Variants in TMEM175 observed in about 807,000 individuals in gnomAD.
The protein encoded by TMEM175 is endosomal/lysosomal proton channel TMEM175.
Under a neutral mutation model 36.5 loss-of-function variants are expected in TMEM175, and 36 were observed. The ratio of observed to expected loss-of-function variants is 0.99; its 90% CI spans 0.76 to 1.30. TMEM175 has a LOEUF of 1.30. Among genes scored for constraint, TMEM175 ranks in the 50% most tolerant of loss-of-function variants. The probability of loss-of-function intolerance (pLI) is 0.00; values close to 1 mark genes in which losing one functional copy is unlikely to be tolerated. For missense variants in TMEM175, 705 were observed against 692.8 expected (o/e 1.02, Z -0.20); for synonymous variants, 339 against 313.4 (o/e 1.08, Z -0.86).
intron 1 of TMEM175, among the ~76,000 whole-genome samples, chr4:946,932 G>A (rs1228754385): frequency 7.0e-6 from 1 of 143,158 alleles, no homozygotes; most frequent in Non-Finnish European, 1.5e-5. Flanking sequence ...CACAGGCGCC[G>A]AGACCGAGGG....
chr4:952,560 GCA>G, intron 7 of TMEM175, 110 bp downstream of exon 7: 4 of 992,390 alleles, frequency 4.0e-6, no homozygotes, highest in African/African-American at 2.9e-5. Flanking sequence ...CAGGGGGCCT[GCA>G]CTGTGTGTGT....
intron 8 of TMEM175, among the ~76,000 whole-genome samples, chr4:953,648 A>G (rs544595127): frequency 1.3e-5 from 2 of 152,362 alleles, no homozygotes; most frequent in East Asian, 3.9e-4. Flanking sequence ...GACCAGAAAC[A>G]GCGACACCCG....
chr4:950,328 C>T (rs1304304675), intron 3 of TMEM175, 93 bp from the exon 4 acceptor site: 1 of 1,075,386 alleles, frequency 9.3e-7, no homozygotes, highest in Non-Finnish European at 1.4e-6. Flanking sequence ...CTGCCCTGGG[C>T]CGAGGCCAGC....
At position 958,193 on chromosome 4, in the gene TMEM175, G is replaced by A. The variant is rs375652285; in HGVS notation, c.1212G>A (p.Thr404=). ...CGGCGCTGCTGCACCAGGCGGAGACGCTGCAGCCCTCGGTGTGGTTTGGCG... is the reference window on the plus strand; with the variant it reads ...CGGCGCTGCTGCACCAGGCGGAGACACTGCAGCCCTCGGTGTGGTTTGGCG... ...WTTALLHQAE[T]LQPSVWFGGR... is the part of the protein sequence containing the mutation. Residue 404 remains threonine (T), a synonymous_variant, in exon 11 of 11, where the codon ACG becomes ACA. Transcript: ENST00000264771. 9.4e-6 allele frequency: 15 copies of A among 1,602,382 alleles called. No homozygotes were observed. The highest frequency in any genetic ancestry group is 1.7e-4 in the Middle Eastern group (1 of 6,058).
At chr4:956,066 C>A (rs144527015) in intron 10 of TMEM175, 176 bp downstream of exon 10, 24 of 863,324 alleles carry the variant, frequency 2.8e-5, no homozygotes, top group Non-Finnish European at 2.9e-5. Context: ...ACAACCTTCC[C>A]GGCGGCCCCT....
chr4:948,965 G>A (rs530174122), intron 3 of TMEM175, among the ~76,000 whole-genome samples: 52 of 152,278 alleles, frequency 3.4e-4, no homozygotes, highest in African/African-American at 1.2e-3. Flanking sequence ...GTAGAAATGC[G>A]GGTGGAGCCT....
In TMEM175 at chr4:957,807, C is replaced by A. The variant is rs1043362326; in HGVS notation, c.843-17C>A. 1 of 1,585,658 alleles carries A rather than the reference C, an allele frequency of 6.3e-7. No individual in the cohort carries two copies. The highest frequency in any genetic ancestry group is 1.7e-5 in the Admixed American group (1 of 58,334). ...CACGGCAAGGCCGGCACAAATGCAT[C>A]TATTCACTGTTCTCAGCGAAGACAA... On this transcript the variant is annotated splice_polypyrimidine_tract_variant and intron_variant, in intron 10 of 10. Coordinates refer to ENST00000264771, the MANE Select transcript of TMEM175 (RefSeq NM_032326.4).
chr4:932,486 C>A lies in TMEM175; in HGVS notation c.-86C>A. ...AACTTCCGGCTGTCAAGCTCCCGGC[C>A]GGGCTGACTCAAGCGGAGGCGCGCG... On this transcript the variant is annotated 5_prime_UTR_variant, in exon 1 of 11. Coordinates refer to ENST00000264771, the MANE Select transcript of TMEM175 (RefSeq NM_032326.4). The surrounding 1 kb of genome is among the most constrained non-coding windows in gnomAD (Gnocchi z 4.0). The A allele has an allele frequency of 4.2e-6, 2 of 480,900 alleles. No homozygotes were observed. The highest frequency in any genetic ancestry group is 7.1e-6 in the Non-Finnish European group (2 of 281,702). The allele number at this position is 480,900 out of a possible 1,614,324, so 29.8% of individuals were successfully genotyped here. A position where few individuals can be genotyped will look rare whatever the true frequency, so the allele number is the denominator to read the frequency against.
At chr4:941,442 T>C (rs1727490518) in intron 1 of TMEM175, among the ~76,000 whole-genome samples, 1 of 149,946 alleles carries the variant, frequency 6.7e-6, no homozygotes, top group Non-Finnish European at 1.5e-5. Context: ...TATTTTTCTT[T>C]TTTTTTTTTT....
At position 958,472 on chromosome 4, in the gene TMEM175, C is replaced by T; in HGVS notation, c.1491C>T (p.Ser497=). The change falls in exon 11 of 11, where the codon TCC becomes TCT. Residue 497 remains serine (S), a synonymous_variant. Coordinates refer to ENST00000264771, the MANE Select transcript of TMEM175 (RefSeq NM_032326.4). The stretch of plus-strand genomic sequence containing the variant: ...CCACGGGCCAGGACGACCCACAGTC[C>T]CAGCTCCTCCCTGCCCCCTGCTAGC... ...PAPTGQDDPQ[S]QLLPAPC is the part of the protein sequence containing the mutation. The T allele has an allele frequency of 6.4e-7, 1 of 1,558,708 alleles. No homozygotes were observed. Among genetic ancestry groups the T allele is most frequent in the Non-Finnish European group, 8.6e-7 (1 of 1,158,008 alleles).
intron 8 of TMEM175, among the ~76,000 whole-genome samples, chr4:953,644 A>C (rs1051760243): frequency 6.6e-6 from 1 of 152,226 alleles, no homozygotes; most frequent in Non-Finnish European, 1.5e-5. Flanking sequence ...CGATGACCAG[A>C]AACAGCGACA....
rs1196653665 is a variant in TMEM175 at position 955,466 on chromosome 4, G to A, written c.689G>A (p.Cys230Tyr). Residue 230 changes from cysteine to tyrosine, a missense_variant, in exon 9 of 11, where the codon TGC becomes TAC. Cys to Tyr is a radical substitution (Grantham distance 194, BLOSUM62 -2). Transcript: ENST00000264771. ...LPYVSKVTGW[C>Y]RDRLLGHREP... ...TATGTCAGCAAGGTCACCGGCTGGT[G>A]CAGAGACAGGCTCCTGGGTAGGTGA... 4.3e-6 allele frequency: 7 copies of A among 1,613,954 alleles called. No individual in the cohort carries two copies. The highest frequency in any genetic ancestry group is 3.3e-5 in the South Asian group (3 of 91,082).
At chr4:934,871 CAG>C (rs1431568891) in intron 1 of TMEM175, among the ~76,000 whole-genome samples, 5 of 152,262 alleles carry the variant, frequency 3.3e-5, no homozygotes, top group Middle Eastern at 3.4e-3. Context: ...GAAAAACACT[CAG>C]GAAGAAAAAT....
At chr4:942,048 G>A (rs538327271) in intron 1 of TMEM175, among the ~76,000 whole-genome samples, 4 of 149,408 alleles carry the variant, frequency 2.7e-5, no homozygotes, top group South Asian at 2.1e-4. Flanking sequence ...GGTTGAGTCC[G>A]AATTCATTCT....
At chr4:933,548 A>C (rs1229670648) in intron 1 of TMEM175, among the ~76,000 whole-genome samples, 1 of 152,202 alleles carries the variant, frequency 6.6e-6, no homozygotes, top group Non-Finnish European at 1.5e-5. Context: ...CTTCTGTGGA[A>C]AAATCAAACC....
intron 10 of TMEM175, 141 bp downstream of exon 10, chr4:956,031 C>A: frequency 1.8e-6 from 2 of 1,095,640 alleles, no homozygotes; most frequent in Non-Finnish European, 2.6e-6. Flanking sequence ...TGTGTGAGGT[C>A]AGGGCAGCCC....
chr4:956,010 G>A (rs750601309), intron 10 of TMEM175, 120 bp downstream of exon 10: 19 of 1,297,616 alleles, frequency 1.5e-5, no homozygotes, highest in Non-Finnish European at 2.0e-5. Context: ...TCCTCTGGAT[G>A]CCTAGAGTTT....
chr4:939,980 G>A (rs916882670), intron 1 of TMEM175, among the ~76,000 whole-genome samples: 4 of 152,118 alleles, frequency 2.6e-5, no homozygotes, highest in Non-Finnish European at 5.9e-5. Flanking sequence ...TAACCTGTAA[G>A]TCCATAACAT....
intron 4 of TMEM175, 101 bp downstream of exon 4, chr4:950,619 G>T: frequency 1.1e-6 from 1 of 897,578 alleles, no homozygotes; most frequent in South Asian, 1.4e-5. Context: ...AGGACAGCAG[G>T]CTACTCCTCC....
Sources: allele counts gnomAD v4.1 joint callset (sites outside exome capture counted in the v4.1 genomes callset), GRCh38; gene constraint gnomAD v4.1.1; non-coding constraint Gnocchi (gnomAD v3.1); transcripts MANE v1.5; gene names NCBI Gene and HGNC (gene_info 2026-07-23, HGNC 2026-07-21).